BPIFB4: variants seen among roughly 807,000 people sequenced by gnomAD.
The protein encoded by BPIFB4 is BPI fold containing family B member 4.
Under a neutral mutation model 69.2 loss-of-function variants are expected in BPIFB4, and 62 were observed. The ratio of observed to expected loss-of-function variants is 0.90; its 90% CI spans 0.73 to 1.11. BPIFB4 has a LOEUF of 1.11. Ranked by LOEUF, BPIFB4 falls within the 50% of genes least tolerant of loss-of-function variation. The pLI, the probability that BPIFB4 is intolerant of heterozygous loss-of-function variation, is 0.00. For synonymous variants in BPIFB4, 330 were observed against 332.7 expected (o/e 0.99, Z 0.09); for missense variants, 789 against 792.0 (o/e 1.00, Z 0.04).
chr20:33,090,135 A>T (rs958652815), intron 9 of BPIFB4, among the ~76,000 whole-genome samples: 1 of 152,188 alleles, frequency 6.6e-6, no homozygotes, highest in African/African-American at 2.4e-5. Flanking sequence ...TTACAGTGCA[A>T]TGGCAGTGCC....
intron 17 of BPIFB4, among the ~76,000 whole-genome samples, chr20:33,110,021 A>G (rs1490843264): frequency 6.6e-6 from 1 of 152,170 alleles, no homozygotes; most frequent in Non-Finnish European, 1.5e-5. Context: ...AGCTCCCCCT[A>G]ATGTTAGCAT....
chr20:33,109,800 G>A (rs983644056), intron 17 of BPIFB4, among the ~76,000 whole-genome samples: 1 of 152,170 alleles, frequency 6.6e-6, no homozygotes, highest in East Asian at 1.9e-4. Flanking sequence ...ACAAATGCCT[G>A]TAATCAAATG....
intron 10 of BPIFB4, among the ~76,000 whole-genome samples, chr20:33,091,729 G>A (rs565992020): frequency 7.9e-5 from 12 of 152,244 alleles, no homozygotes; most frequent in Non-Finnish European, 1.6e-4. Context: ...GTACAGTGAT[G>A]AACAAGACAA....
At chr20:33,107,448 CAAACAAAAAACA>C (rs1265611428) in intron 16 of BPIFB4, among the ~76,000 whole-genome samples, 1 of 151,800 alleles carries the variant, frequency 6.6e-6, no homozygotes, top group Non-Finnish European at 1.5e-5. Flanking sequence ...ACAAAACAAA[CAAACAAAAAACA>C]AAACAAACAA....
Position 33,097,799 on chromosome 20 carries a change from G to A in BPIFB4, c.1569+12G>A, listed in dbSNP as rs201002350. On this transcript the variant is annotated intron_variant, in intron 13 of 17. Coordinates refer to ENST00000375483, the MANE Select transcript of BPIFB4 (RefSeq NM_182519.3). ...GCCTCATTGACGTGGTGAGTGTCTG[G>A]AGGTACTGGTGGCCTCCAGCTGGGC... 371 of 1,603,422 alleles carry A rather than the reference G, an allele frequency of 2.3e-4. No homozygotes were observed. The highest frequency in any genetic ancestry group is 8.2e-4 in the Middle Eastern group (5 of 6,074).
intron 7 of BPIFB4, among the ~76,000 whole-genome samples, chr20:33,088,362 GA>G (rs1981497650): frequency 6.7e-6 from 1 of 148,604 alleles, no homozygotes; most frequent in Admixed American, 6.7e-5. Context: ...AAAAAGAAAA[GA>G]AAAAGAAAAA....
rs1981793667 is a variant in BPIFB4, at chr20:33,097,692, CAGA to C, written c.1477_1479del (p.Lys493del). ...GCTGAACCCACCATCTGTGATGCTG[CAGA>C]AGGACAAAGCGCTGGTGAAGGTGTT... On this transcript the variant is annotated inframe_deletion, in exon 13 of 18. Coordinates refer to ENST00000375483, the MANE Select transcript of BPIFB4 (RefSeq NM_182519.3). 6.2e-7 allele frequency: 1 copy of C among 1,614,104 alleles called. No homozygotes were observed. Among genetic ancestry groups the C allele is most frequent in the Admixed American group, 1.7e-5 (1 of 60,038 alleles).
intron 11 of BPIFB4, among the ~76,000 whole-genome samples, chr20:33,093,385 A>C (rs991165279): frequency 6.6e-6 from 1 of 151,762 alleles, no homozygotes; most frequent in African/African-American, 2.4e-5. Context: ...CCATCCAGCC[A>C]TCCATCCACC....
At chr20:33,093,151 TA>T (rs763064113) in intron 11 of BPIFB4, among the ~76,000 whole-genome samples, 7 of 152,180 alleles carry the variant, frequency 4.6e-5, no homozygotes, top group Non-Finnish European at 8.8e-5. Flanking sequence ...ATCCTTCACT[TA>T]GATCCACTAG....
intron 11 of BPIFB4, among the ~76,000 whole-genome samples, chr20:33,094,106 C>T (rs1352580078): frequency 1.3e-5 from 2 of 152,230 alleles, no homozygotes; most frequent in East Asian, 3.8e-4. Flanking sequence ...CCAACACTTG[C>T]TTCCATTAAG....
intron 1 of BPIFB4, among the ~76,000 whole-genome samples, chr20:33,080,125 A>G (rs181350130): frequency 6.6e-4 from 101 of 152,340 alleles, no homozygotes; most frequent in Non-Finnish European, 1.4e-3. Flanking sequence ...GTAGTCCTTT[A>G]TATTCTAGTG....
At chr20:33,092,189 G>A (rs1264808185) in intron 10 of BPIFB4, among the ~76,000 whole-genome samples, 1 of 152,198 alleles carries the variant, frequency 6.6e-6, no homozygotes, top group Non-Finnish European at 1.5e-5. Context: ...GCATACATAT[G>A]CTAGTTCATC....
At chr20:33,080,765 G>A (rs1372220723) in intron 2 of BPIFB4, among the ~76,000 whole-genome samples, 189 bp downstream of exon 2, 1 of 152,200 alleles carries the variant, frequency 6.6e-6, no homozygotes, top group African/African-American at 2.4e-5. Context: ...ATGAATGGAT[G>A]GATGGATGGA....
At chr20:33,108,289 A>G (rs1982127986) in intron 17 of BPIFB4, among the ~76,000 whole-genome samples, 1 of 152,028 alleles carries the variant, frequency 6.6e-6, no homozygotes, top group African/African-American at 2.4e-5. Flanking sequence ...TTGGCTAATT[A>G]TAATCATGGC....
chr20:33,090,524 T>C (rs1351579398), intron 9 of BPIFB4, among the ~76,000 whole-genome samples, 184 bp from the exon 10 acceptor site: 1 of 152,244 alleles, frequency 6.6e-6, no homozygotes, highest in African/African-American at 2.4e-5. Flanking sequence ...GTGCAATGAC[T>C]TGCTTGGGTT....
At chr20:33,085,750 G>A (rs1268550159) in intron 6 of BPIFB4, among the ~76,000 whole-genome samples, 4 of 152,300 alleles carry the variant, frequency 2.6e-5, no homozygotes, top group African/African-American at 4.8e-5. Context: ...GGATGAGGTC[G>A]TGTCCACCAA....
intron 10 of BPIFB4, 134 bp from the exon 11 acceptor site, chr20:33,092,324 A>G (rs1981622852): frequency 4.4e-6 from 3 of 689,162 alleles, no homozygotes; most frequent in African/African-American, 1.8e-5. Context: ...CCATGCATCA[A>G]AGAGCCACTC....
intron 9 of BPIFB4, 133 bp downstream of exon 9, chr20:33,089,691 A>T: frequency 6.8e-7 from 1 of 1,481,222 alleles, no homozygotes; most frequent in Non-Finnish European, 9.0e-7. Context: ...TAATGCCACA[A>T]GGGAGGTGCC....
chr20:33,092,889 G>T (rs1981649734), intron 11 of BPIFB4, among the ~76,000 whole-genome samples: 2 of 152,128 alleles, frequency 1.3e-5, no homozygotes, highest in African/African-American at 4.8e-5. Flanking sequence ...TGAGAAAGTT[G>T]CTCCCTATTC....
Sources: gnomAD v4.1 joint callset for allele counts (sites outside exome capture counted in the v4.1 genomes callset) on GRCh38, gnomAD v4.1.1 for gene constraint, MANE v1.5 for transcripts, NCBI Gene and HGNC (gene_info 2026-07-23, HGNC 2026-07-21) for gene names.